Variants in MITF observed in about 807,000 individuals in gnomAD.
MITF encodes the protein melanocyte inducing transcription factor, also known as microphthalmia-associated transcription factor.
MITF carries 17 observed loss-of-function variants against 60.5 expected under a neutral mutation model. The ratio of observed to expected loss-of-function variants is 0.28; its 90% CI spans 0.19 to 0.42. MITF has a LOEUF of 0.42. MITF is among the 10% of genes least tolerant of loss of function. MITF has a pLI of 1.00. For missense variants in MITF, 622 were observed against 683.5 expected (o/e 0.91, Z 1.00); for synonymous variants, 260 against 248.5 (o/e 1.05, Z -0.43).
chr3:69,938,176 G>A (rs1429267997), intron 3 of MITF, 127 bp downstream of exon 3: 3 of 1,213,762 alleles, frequency 2.5e-6, no homozygotes, highest in Non-Finnish European at 2.4e-6. Flanking sequence ...CTTTGTCCCC[G>A]ATTCACCATC....
In MITF at chr3:69,867,566, G is replaced by C. The variant is rs547010393; in HGVS notation, c.105-11568G>C. ...AATGTTAGAGCATTTTCTAAACAAA[G>C]TATATATAATTATGTGTTTAAAATG... On this transcript the variant is annotated intron_variant, in intron 1 of 9. Coordinates refer to ENST00000352241, the MANE Select transcript of MITF (RefSeq NM_001354604.2). Among the ~76,000 whole-genome samples, 3 of 152,042 alleles carry C rather than the reference G, an allele frequency of 2.0e-5. No individual in the cohort carries two copies. The South Asian group carries it at 6.2e-4, about 32-fold the overall frequency.
At chr3:69,846,118 G>C (rs1456694089) in intron 1 of MITF, among the ~76,000 whole-genome samples, 1 of 144,372 alleles carries the variant, frequency 6.9e-6, no homozygotes, top group Non-Finnish European at 1.5e-5. Flanking sequence ...TGATATGTTA[G>C]ACCTTGCTGC....
intron 1 of MITF, among the ~76,000 whole-genome samples, chr3:69,816,251 C>T (rs2063180036): frequency 6.6e-6 from 1 of 152,094 alleles, no homozygotes; most frequent in Non-Finnish European, 1.5e-5. Context: ...GTACTGTGGC[C>T]TGCATATTCC....
intron 1 of MITF, among the ~76,000 whole-genome samples, chr3:69,838,844 A>C (rs2063580627): frequency 6.6e-6 from 1 of 152,188 alleles, no homozygotes; most frequent in African/African-American, 2.4e-5. Flanking sequence ...CAAATGCCCA[A>C]GTGCTGAAAG....
intron 2 of MITF, among the ~76,000 whole-genome samples, chr3:69,928,350 G>A (rs2065641480): frequency 6.6e-6 from 1 of 152,120 alleles, no homozygotes; most frequent in South Asian, 2.1e-4. Flanking sequence ...TTCATTTCAT[G>A]TAGCTTTCTG....
At chr3:69,841,188 C>T (rs1168285171) in intron 1 of MITF, among the ~76,000 whole-genome samples, 3 of 152,076 alleles carry the variant, frequency 2.0e-5, no homozygotes, top group Non-Finnish European at 4.4e-5. Context: ...CATATATCTT[C>T]GATGTAATTT....
intron 1 of MITF, among the ~76,000 whole-genome samples, chr3:69,864,136 T>C (rs1166251161): frequency 6.6e-6 from 1 of 152,200 alleles, no homozygotes; most frequent in African/African-American, 2.4e-5. Flanking sequence ...AACAATAACC[T>C]ATGGGTAGTC....
intron 1 of MITF, among the ~76,000 whole-genome samples, chr3:69,878,903 C>T (rs1025531230): frequency 1.3e-5 from 2 of 151,816 alleles, no homozygotes; most frequent in African/African-American, 2.4e-5. Flanking sequence ...AAAATTAAGC[C>T]GCCTGATAAA....
At chr3:69,759,575 T>C (rs2062180429) in intron 1 of MITF, among the ~76,000 whole-genome samples, 11 of 152,178 alleles carry the variant, frequency 7.2e-5, no homozygotes, top group Admixed American at 7.2e-4. Flanking sequence ...TTTTAGTGAG[T>C]AGGTGAATTT....
At chr3:69,859,948 G>A (rs1835412) in intron 1 of MITF, among the ~76,000 whole-genome samples, 3,614 of 152,030 alleles carry the variant, frequency 0.024, 77 homozygotes, top group Non-Finnish European at 0.036. Context: ...CACTGATGAC[G>A]GCCTTATCTT....
Position 69,951,404 on chromosome 3 carries a change from G to T in MITF, c.881-408G>T, listed in dbSNP as rs146895940. On this transcript the variant is annotated intron_variant, in intron 6 of 9. Transcript: ENST00000352241. ...CACTACTCAGTTTTTATATCAGCAC[G>T]TTACACAGGCATCAAAAAAGGATTG... 1.7e-3 allele frequency among the ~76,000 whole-genome samples: 265 copies of T among 151,998 alleles called. 2 individuals are homozygous for T. Among genetic ancestry groups the T allele is most frequent in the African/African-American group, 6.1e-3 (254 of 41,434 alleles).
intron 5 of MITF, among the ~76,000 whole-genome samples, chr3:69,945,799 G>C (rs2066080614): frequency 6.6e-6 from 1 of 152,154 alleles, no homozygotes; most frequent in Non-Finnish European, 1.5e-5. Context: ...CCCTGCAGGT[G>C]CATCAACTGA....
At chr3:69,951,579 T>A (rs1420343035) in intron 6 of MITF, among the ~76,000 whole-genome samples, 1 of 152,172 alleles carries the variant, frequency 6.6e-6, no homozygotes, top group Non-Finnish European at 1.5e-5. Context: ...TACCAGGGTT[T>A]TTTTTTACCA....
chr3:69,752,466 G>A (rs995092288), intron 1 of MITF: 1 of 152,182 alleles, frequency 6.6e-6, no homozygotes, highest in African/African-American at 2.4e-5. Flanking sequence ...CTGGAATAAA[G>A]GTCACTTTTG....
At chr3:69,852,759 G>A (rs2063847222) in intron 1 of MITF, among the ~76,000 whole-genome samples, 1 of 152,160 alleles carries the variant, frequency 6.6e-6, no homozygotes, top group Non-Finnish European at 1.5e-5. Context: ...GTCTTTCTGT[G>A]AATTTACACC....
rs140557207 is a variant in MITF at position 69,847,713 on chromosome 3, G to C, written c.105-31421G>C. On this transcript the variant is annotated intron_variant, in intron 1 of 9. Transcript: ENST00000352241. Reference sequence around the variant, plus strand: ...TTTCTTTCACATGGAACAGGTTTCAGATGGAGAGAAAAGTCTACTCCGTAA... The same window carrying C: ...TTTCTTTCACATGGAACAGGTTTCACATGGAGAGAAAAGTCTACTCCGTAA... Among the ~76,000 whole-genome samples, 292 of 152,358 alleles carry C rather than the reference G, an allele frequency of 1.9e-3. 2 individuals carry two copies. Among genetic ancestry groups the C allele is most frequent in the African/African-American group, 6.8e-3 (281 of 41,588 alleles).
At chr3:69,774,906 C>G (rs187735393) in intron 1 of MITF, among the ~76,000 whole-genome samples, 1 of 152,150 alleles carries the variant, frequency 6.6e-6, no homozygotes, top group African/African-American at 2.4e-5. Context: ...CAGAAGTTGA[C>G]GCTGGAAACA....
Position 69,896,603 on chromosome 3 carries a change from T to G in MITF, c.354+17220T>G, listed in dbSNP as rs545281235. Reference sequence around the variant, plus strand: ...TGCTCCGGTTATAAAGGTGCATAGGTTTTGAGGGATCTGCCCCCAATCTTC... The same window carrying G: ...TGCTCCGGTTATAAAGGTGCATAGGGTTTGAGGGATCTGCCCCCAATCTTC... On this transcript the variant is annotated intron_variant, in intron 2 of 9. Coordinates refer to ENST00000352241, the MANE Select transcript of MITF (RefSeq NM_001354604.2). Among the ~76,000 whole-genome samples the G allele has an allele frequency of 1.3e-3, 196 of 152,304 alleles. 1 individual carries two copies. The highest frequency in any genetic ancestry group is 4.5e-3 in the African/African-American group (188 of 41,572).
chr3:69,796,554 C>T (rs1452871916), intron 1 of MITF, among the ~76,000 whole-genome samples: 2 of 130,328 alleles, frequency 1.5e-5, no homozygotes, highest in African/African-American at 3.0e-5. Flanking sequence ...GGCCGGACTG[C>T]GGACTGCAGT....
Sources: allele counts gnomAD v4.1 joint callset (sites outside exome capture counted in the v4.1 genomes callset), GRCh38; gene constraint gnomAD v4.1.1; transcripts MANE v1.5; gene names NCBI Gene and HGNC (gene_info 2026-07-23, HGNC 2026-07-21).